SLC22A25: variants seen among roughly 807,000 people sequenced by gnomAD.
SLC22A25 encodes MGI:2442751, MGI:2385316, MGI:3042283, MGI:3645714, MGI:3605624, MGI:2442750.
A neutral mutation model predicts 45.9 loss-of-function variants in SLC22A25; 44 were observed. That is an observed-to-expected ratio of 0.96 (90% confidence interval 0.75 to 1.23). The LOEUF (loss-of-function observed/expected upper bound fraction) is 1.23. SLC22A25 is among the 50% of genes most tolerant of loss of function. The probability of loss-of-function intolerance (pLI) is 0.00; values close to 1 mark genes in which losing one functional copy is unlikely to be tolerated. For missense variants in SLC22A25, 800 were observed against 666.4 expected (o/e 1.20, Z -2.21); for synonymous variants, 283 against 238.6 (o/e 1.19, Z -1.72).
chr11:63,159,922 G>A lies in SLC22A25; in HGVS notation c.*3902C>T, dbSNP rs1010624176. 6.6e-6 allele frequency among the ~76,000 whole-genome samples: 1 copy of A among 152,178 alleles called. No homozygotes were observed. The highest frequency in any genetic ancestry group is 2.4e-5 in the African/African-American group (1 of 41,446). On this transcript the variant is annotated 3_prime_UTR_variant, in exon 12 of 12. Transcript: ENST00000306494. ...AAAGAGACTGGCAGCGTTTACTCCT[G>A]TCCTAGAGATTTGTGGAACTTTGAA...
chr11:63,165,302 G>T lies in SLC22A25; in HGVS notation c.1286-668C>A, dbSNP rs1015983023. ...GGGTTCTGTTGCATTGCACCAGACT[G>T]GTATCACTGCTGACATTCAAGAGGA... On this transcript the variant is annotated intron_variant, in intron 10 of 11. Coordinates refer to ENST00000306494, the MANE Select transcript of SLC22A25 (RefSeq NM_199352.6). Among the ~76,000 whole-genome samples, 6 of 152,054 alleles carry T rather than the reference G, an allele frequency of 3.9e-5. No individual in the cohort carries two copies. In the East Asian group the frequency reaches 5.8e-4, roughly 15 times the overall value.
rs115889914 is a variant in SLC22A25, at chr11:63,243,296, A to C, written c.-996+138T>G. ...GATGGTGGCCATTTGATTGGTGGCCACTTCTGATGGTGGCCAACATGATTG... is the reference window on the plus strand; with the variant it reads ...GATGGTGGCCATTTGATTGGTGGCCCCTTCTGATGGTGGCCAACATGATTG... On this transcript the variant is annotated intron_variant, in intron 1 of 11. Coordinates refer to ENST00000306494, the MANE Select transcript of SLC22A25 (RefSeq NM_199352.6). The C allele has an allele frequency of 1.6e-3, 683 of 428,586 alleles. 3 individuals carry two copies. Among genetic ancestry groups the C allele is most frequent in the African/African-American group, 0.012 (599 of 50,018 alleles). 26.5% of individuals were successfully genotyped at this position (428,586 alleles called of 1,614,324 possible).
At chr11:63,177,864 A>ATATATAATGTATATATATAATAT (rs373414293) in intron 9 of SLC22A25, among the ~76,000 whole-genome samples, 1 of 31,080 alleles carries the variant, frequency 3.2e-5, no homozygotes, top group Admixed American at 3.5e-4. Context: ...GTATATATAT[A>ATATATAATGTATATATATAATAT]ATATATATAA....
intron 7 of SLC22A25, among the ~76,000 whole-genome samples, chr11:63,184,681 G>T (rs1293082321): frequency 1.3e-5 from 2 of 152,110 alleles, no homozygotes; most frequent in Non-Finnish European, 2.9e-5. Flanking sequence ...ACAATTAAAA[G>T]CATCTCAAAC....
At chr11:63,233,728 A>G (rs2090113636) in intron 3 of SLC22A25, among the ~76,000 whole-genome samples, 2 of 152,252 alleles carry the variant, frequency 1.3e-5, no homozygotes, top group South Asian at 4.1e-4. Context: ...TTGTGATGTT[A>G]GGGTGTCAAT....
At chr11:63,188,053 G>A (rs1207750862) in intron 7 of SLC22A25, among the ~76,000 whole-genome samples, 1 of 152,168 alleles carries the variant, frequency 6.6e-6, no homozygotes, top group Non-Finnish European at 1.5e-5. Context: ...GATTATGCTG[G>A]CCTCATAAAA....
chr11:63,191,592 G>A (rs930315449), intron 7 of SLC22A25, among the ~76,000 whole-genome samples: 2 of 152,056 alleles, frequency 1.3e-5, no homozygotes, highest in African/African-American at 2.4e-5. Context: ...AGATGAACCT[G>A]GTACCTCAGT....
At chr11:63,221,489 C>T (rs1409843489) in intron 5 of SLC22A25, among the ~76,000 whole-genome samples, 2 of 151,786 alleles carry the variant, frequency 1.3e-5, no homozygotes, top group African/African-American at 4.8e-5. Flanking sequence ...GATTTTTTTT[C>T]CTACAGAGTT....
intron 1 of SLC22A25, among the ~76,000 whole-genome samples, chr11:63,240,607 AT>A (rs200005389): frequency 0.01 from 1,533 of 152,274 alleles, 39 homozygotes; most frequent in African/African-American, 0.035. Context: ...CTGTACAAGA[AT>A]TTTTTTATAT....
rs145003730 is a variant in SLC22A25, at chr11:63,176,436, T to C, written c.1070+4224A>G. Among the ~76,000 whole-genome samples, 56 of 152,114 alleles carry C rather than the reference T, an allele frequency of 3.7e-4. No homozygotes were observed. In the East Asian group the frequency reaches 0.01, roughly 28 times the overall value. ...CAAGTCTTTTGCCTCCTTGGTTAAG[T>C]TTATTCCTAAGTATTTTCTTCCTTT... On this transcript the variant is annotated intron_variant, in intron 9 of 11. Coordinates refer to ENST00000306494, the MANE Select transcript of SLC22A25 (RefSeq NM_199352.6).
intron 9 of SLC22A25, among the ~76,000 whole-genome samples, chr11:63,171,723 G>A (rs2087893192): frequency 6.6e-6 from 1 of 152,114 alleles, no homozygotes; most frequent in Non-Finnish European, 1.5e-5. Context: ...CATGAAAATG[G>A]CCATATTGCC....
At position 63,180,793 on chromosome 11, in the gene SLC22A25, G is replaced by A; in HGVS notation, c.955-18C>T. 6.4e-7 allele frequency: 1 copy of A among 1,572,648 alleles called. No individual in the cohort carries two copies. The highest frequency in any genetic ancestry group is 8.7e-7 in the Non-Finnish European group (1 of 1,145,162). On this transcript the variant is annotated intron_variant, in intron 8 of 11. Transcript: ENST00000306494. ...TTCAAAACCTTCAACAACAACAGAA[G>A]CAATAAACTGTTCAGTTGTCACAAA...
chr11:63,202,439 C>T (rs1038056810), intron 7 of SLC22A25, among the ~76,000 whole-genome samples: 4 of 152,122 alleles, frequency 2.6e-5, no homozygotes, highest in African/African-American at 7.2e-5. Context: ...AGGCTGAAGT[C>T]GACTTGGGAC....
chr11:63,228,335 C>A, intron 5 of SLC22A25, 126 bp downstream of exon 5: 1 of 698,314 alleles, frequency 1.4e-6, no homozygotes. Context: ...CCTTTTGTGT[C>A]TACAAATCCC....
At chr11:63,206,387 C>G (rs1308010) in intron 7 of SLC22A25, among the ~76,000 whole-genome samples, 74,539 of 152,032 alleles carry the variant, frequency 0.49, 19,210 homozygotes, top group Non-Finnish European at 0.57. Context: ...TTAGAAAACC[C>G]CATTGTCTCA....
At chr11:63,171,390 A>T (rs972665826) in intron 9 of SLC22A25, among the ~76,000 whole-genome samples, 1 of 152,170 alleles carries the variant, frequency 6.6e-6, no homozygotes, top group African/African-American at 2.4e-5. Context: ...AGATGACATG[A>T]TTGTATATTT....
intron 7 of SLC22A25, among the ~76,000 whole-genome samples, chr11:63,197,582 A>G (rs1458956897): frequency 6.6e-6 from 1 of 152,244 alleles, no homozygotes; most frequent in Non-Finnish European, 1.5e-5. Flanking sequence ...TTCAAGATGG[A>G]TTAAAGACTT....
chr11:63,193,421 C>T (rs2134759394), intron 7 of SLC22A25, among the ~76,000 whole-genome samples: 1 of 152,328 alleles, frequency 6.6e-6, no homozygotes, highest in Admixed American at 6.5e-5. Flanking sequence ...CTGGGTGCCC[C>T]CCTGAGACGA....
At chr11:63,227,557 C>T (rs2089986613) in intron 5 of SLC22A25, among the ~76,000 whole-genome samples, 1 of 152,184 alleles carries the variant, frequency 6.6e-6, no homozygotes, top group South Asian at 2.1e-4. Context: ...CCTCTCCTCT[C>T]CTCAAATGGA....
Sources: gnomAD v4.1 joint callset for allele counts (sites outside exome capture counted in the v4.1 genomes callset) on GRCh38, gnomAD v4.1.1 for gene constraint, MANE v1.5 for transcripts, NCBI Gene and HGNC (gene_info 2026-07-23, HGNC 2026-07-21) for gene names.